Variants in PTPRD observed in about 807,000 individuals in gnomAD.
The protein encoded by PTPRD is protein tyrosine phosphatase receptor type D.
Under a neutral mutation model 214.5 loss-of-function variants are expected in PTPRD, and 34 were observed. The observed-to-expected ratio is 0.16, with a 90% CI of 0.12 to 0.21. PTPRD has a LOEUF of 0.21. PTPRD is among the 10% of genes least tolerant of loss of function. PTPRD has a pLI of 1.00. For synonymous variants in PTPRD, 1,128 were observed against 845.7 expected, an observed-to-expected ratio of 1.33 and a Z score of -5.79; for missense variants, 2,545 against 2,398.7, an observed-to-expected ratio of 1.06 and a Z score of -1.27.
At chr9:8,779,346 G>T (rs112962778) in intron 11 of PTPRD, among the ~76,000 whole-genome samples, 5,693 of 151,544 alleles carry the variant, frequency 0.038, 194 homozygotes, top group African/African-American at 0.085. Context: ...CCCTCCTTTA[G>T]AGATGAAAAC....
chr9:10,527,675 C>G (rs2054723775), intron 2 of PTPRD, among the ~76,000 whole-genome samples: 1 of 152,116 alleles, frequency 6.6e-6, no homozygotes, highest in African/African-American at 2.4e-5. Context: ...TAAGGACCTA[C>G]AAATGTAATC....
chr9:10,026,782 T>C (rs1342539852), intron 4 of PTPRD, among the ~76,000 whole-genome samples: 1 of 151,936 alleles, frequency 6.6e-6, no homozygotes, highest in Non-Finnish European at 1.5e-5. Context: ...CCATGTATGT[T>C]ATACATTTAC....
At chr9:8,673,173 T>C (rs1418997729) in intron 12 of PTPRD, among the ~76,000 whole-genome samples, 1 of 152,134 alleles carries the variant, frequency 6.6e-6, no homozygotes, top group African/African-American at 2.4e-5. Context: ...TCAAAGTATT[T>C]TTCTCTATGA....
intron 11 of PTPRD, among the ~76,000 whole-genome samples, chr9:9,013,257 C>T (rs2099519372): frequency 1.3e-5 from 2 of 151,864 alleles, no homozygotes; most frequent in African/African-American, 4.8e-5. Context: ...ATATACGAGG[C>T]CACCGACACT....
At chr9:9,696,084 G>A (rs1257165735) in intron 7 of PTPRD, among the ~76,000 whole-genome samples, 1 of 151,866 alleles carries the variant, frequency 6.6e-6, no homozygotes, top group Admixed American at 6.6e-5. Context: ...TTATTGGTTT[G>A]CTCCAGTTTT....
intron 10 of PTPRD, among the ~76,000 whole-genome samples, chr9:9,048,912 T>G (rs2099679077): frequency 6.6e-6 from 1 of 152,154 alleles, no homozygotes; most frequent in South Asian, 2.1e-4. Flanking sequence ...TATCAAAACA[T>G]CTCATGTACC....
chr9:9,493,038 C>A (rs1309424476), intron 8 of PTPRD, among the ~76,000 whole-genome samples: 1 of 149,318 alleles, frequency 6.7e-6, no homozygotes, highest in East Asian at 2.0e-4. Flanking sequence ...CTCAGGCTTC[C>A]CTAGTCCCTG....
At chr9:9,576,089 T>C (rs567706001) in intron 7 of PTPRD, among the ~76,000 whole-genome samples, 1 of 152,288 alleles carries the variant, frequency 6.6e-6, no homozygotes, top group Middle Eastern at 3.4e-3. Context: ...ATTGAGTCTT[T>C]TATGTCAATT....
intron 14 of PTPRD, among the ~76,000 whole-genome samples, chr9:8,556,635 C>T (rs1030768738): frequency 6.6e-6 from 1 of 151,978 alleles, no homozygotes; most frequent in African/African-American, 2.4e-5. Flanking sequence ...TCCAAGGAGT[C>T]CACTTGCATA....
chr9:10,102,218 T>C (rs192475198), intron 3 of PTPRD, among the ~76,000 whole-genome samples: 19 of 151,806 alleles, frequency 1.3e-4, no homozygotes, highest in Admixed American at 3.3e-4. Flanking sequence ...TTTTATAATA[T>C]GCATTATCTT....
chr9:9,422,907 T>C (rs1445462999), intron 8 of PTPRD, among the ~76,000 whole-genome samples: 2 of 152,112 alleles, frequency 1.3e-5, no homozygotes, highest in African/African-American at 4.8e-5. Flanking sequence ...CTTTAAGTTG[T>C]TACAGACACA....
At chr9:10,601,874 C>T (rs1033508228) in intron 2 of PTPRD, among the ~76,000 whole-genome samples, 14 of 151,692 alleles carry the variant, frequency 9.2e-5, no homozygotes, top group Admixed American at 2.6e-4. Flanking sequence ...TTCTCATTTA[C>T]AACTGAAAAT....
At chr9:9,434,788 T>C (rs377545930) in intron 8 of PTPRD, among the ~76,000 whole-genome samples, 5 of 150,820 alleles carry the variant, frequency 3.3e-5, no homozygotes, top group East Asian at 3.9e-4. Flanking sequence ...TTTAGGTTGC[T>C]CTGGTCTCAG....
chr9:8,686,477 C>T (rs1479759710), intron 12 of PTPRD, among the ~76,000 whole-genome samples: 4 of 152,062 alleles, frequency 2.6e-5, no homozygotes, highest in African/African-American at 9.7e-5. Flanking sequence ...CAGAAGTGAT[C>T]CAAATAGGTT....
chr9:9,669,544 G>A (rs2096786535), intron 7 of PTPRD, among the ~76,000 whole-genome samples: 1 of 152,152 alleles, frequency 6.6e-6, no homozygotes, highest in Admixed American at 6.6e-5. Flanking sequence ...CTTCTTATGT[G>A]TGAGTGTTTG....
chr9:9,811,371 A>G (rs1191152292), intron 5 of PTPRD, among the ~76,000 whole-genome samples: 1 of 152,182 alleles, frequency 6.6e-6, no homozygotes, highest in Non-Finnish European at 1.5e-5. Context: ...CCAAAATCTC[A>G]TGATGAAACT....
intron 10 of PTPRD, among the ~76,000 whole-genome samples, chr9:9,132,112 G>A (rs1236143872): frequency 1.3e-5 from 2 of 151,966 alleles, no homozygotes; most frequent in South Asian, 2.1e-4. Context: ...GGTTCACGCC[G>A]TTCTCCTGCC....
chr9:8,907,534 AT>A (rs67967407), intron 11 of PTPRD, among the ~76,000 whole-genome samples: 25,979 of 103,326 alleles, frequency 0.25, 2,838 homozygotes, highest in East Asian at 0.29. Flanking sequence ...AAAAAAAAAA[AT>A]ATATATATAT....
chr9:9,410,657 A>G (rs887503536), intron 8 of PTPRD, among the ~76,000 whole-genome samples: 10 of 152,218 alleles, frequency 6.6e-5, no homozygotes, highest in African/African-American at 2.4e-4. Context: ...TTTAGGGATT[A>G]GAATTAGAAA....
Sources: allele counts gnomAD v4.1 joint callset (sites outside exome capture counted in the v4.1 genomes callset), GRCh38; gene constraint gnomAD v4.1.1; transcripts MANE v1.5; gene names NCBI Gene and HGNC (gene_info 2026-07-23, HGNC 2026-07-21).